TGDS: variants seen among roughly 807,000 people sequenced by gnomAD.
The protein encoded by TGDS is UDP-D-glucose 4,6-dehydratase.
A neutral mutation model predicts 52.3 loss-of-function variants in TGDS; 47 were observed. The observed-to-expected ratio is 0.90, with a 90% CI of 0.71 to 1.15. TGDS has a LOEUF of 1.15. Among genes scored for constraint, TGDS ranks in the 50% most tolerant of loss-of-function variants. The pLI, the probability that TGDS is intolerant of heterozygous loss-of-function variation, is 0.00. For missense variants in TGDS, 375 were observed against 418.4 expected (o/e 0.90, Z 0.90); for synonymous variants, 115 against 136.9 (o/e 0.84, Z 1.12).
intron 4 of TGDS, among the ~76,000 whole-genome samples, chr13:94,587,630 G>A (rs1349236112): frequency 2.0e-5 from 3 of 152,148 alleles, no homozygotes; most frequent in Non-Finnish European, 4.4e-5. Context: ...AAATGTAAAA[G>A]GAAAAACAAT....
intron 4 of TGDS, among the ~76,000 whole-genome samples, chr13:94,583,930 G>A (rs1418248591): frequency 1.3e-5 from 2 of 152,144 alleles, no homozygotes; most frequent in South Asian, 4.1e-4. Context: ...ATATAAATGG[G>A]TCCTTAAGAT....
chr13:94,590,717 G>A, intron 4 of TGDS, 136 bp downstream of exon 4: 1 of 634,716 alleles, frequency 1.6e-6, no homozygotes, highest in Non-Finnish European at 2.6e-6. Flanking sequence ...AAAGTGCTGA[G>A]TTTATGGATA....
chr13:94,595,510 C>T (rs1182149802), intron 1 of TGDS, among the ~76,000 whole-genome samples: 1 of 152,060 alleles, frequency 6.6e-6, no homozygotes, highest in African/African-American at 2.4e-5. Flanking sequence ...TAAACATGGG[C>T]TAGGGTGGAA....
upstream of TGDS, chr13:94,596,186 G>T (rs760237973): frequency 1.3e-6 from 2 of 1,574,512 alleles, no homozygotes; most frequent in Admixed American, 1.8e-5. Flanking sequence ...TCTGAAAAGC[G>T]CAGGGAAGTT....
rs996696422 is a variant in TGDS, at chr13:94,576,520, T to C, written c.885-109A>G. On this transcript the variant is annotated intron_variant, in intron 10 of 11. Transcript: ENST00000261296. Reference sequence around the variant, plus strand: ...TTTACCACAACCCAACTTTTCTCTTTACAAAAATTCCCAATAGGTTTTCTG... The same window carrying C: ...TTTACCACAACCCAACTTTTCTCTTCACAAAAATTCCCAATAGGTTTTCTG... The C allele has an allele frequency of 9.3e-5, 58 of 623,816 alleles. No individual in the cohort carries two copies. In the African/African-American group the frequency reaches 1.1e-3, roughly 11 times the overall value. The allele number at this position is 623,816 out of a possible 1,614,324, so 38.6% of individuals were successfully genotyped here.
At chr13:94,586,754 T>C (rs146271030) in intron 4 of TGDS, among the ~76,000 whole-genome samples, 33,956 of 77,846 alleles carry the variant, frequency 0.44, 4,558 homozygotes, top group Admixed American at 0.52. Context: ...TCAAATTATT[T>C]TTTTTTTTTT....
At chr13:94,589,794 A>G (rs1287037646) in intron 4 of TGDS, among the ~76,000 whole-genome samples, 1 of 152,218 alleles carries the variant, frequency 6.6e-6, no homozygotes, top group East Asian at 1.9e-4. Flanking sequence ...AGATTTGGTG[A>G]TATCTGGAGC....
At chr13:94,581,687 AAAATT>A in intron 5 of TGDS, among the ~76,000 whole-genome samples, 1 of 152,360 alleles carries the variant, frequency 6.6e-6, no homozygotes, top group African/African-American at 2.4e-5. Context: ...AGCAGAATTG[AAAATT>A]GAGAAGTGGT....
chr13:94,578,803 CTGGAT>C (rs1888693594), intron 7 of TGDS, 30 bp from the exon 8 acceptor site: 1 of 1,371,668 alleles, frequency 7.3e-7, no homozygotes, highest in Admixed American at 1.8e-5. Flanking sequence ...TCATTTCAGA[CTGGAT>C]ATTTACTCAT....
intron 8 of TGDS, 34 bp from the exon 9 acceptor site, chr13:94,578,204 G>A (rs1430547560): frequency 6.2e-7 from 1 of 1,603,394 alleles, no homozygotes; most frequent in South Asian, 1.1e-5. Context: ...ATCATAAAGT[G>A]TAAAAAGGTA....
chr13:94,579,031 T>C (rs75366505), intron 7 of TGDS, among the ~76,000 whole-genome samples: 1,659 of 152,186 alleles, frequency 0.011, 39 homozygotes, highest in African/African-American at 0.038. Flanking sequence ...CATCAGACAG[T>C]TGGTCTCATC....
chr13:94,576,755 G>T (rs1888616485), intron 10 of TGDS, among the ~76,000 whole-genome samples: 1 of 152,064 alleles, frequency 6.6e-6, no homozygotes, highest in Admixed American at 6.5e-5. Flanking sequence ...CCAGGCTGTG[G>T]GTCAGGTATT....
chr13:94,582,994 G>T, intron 5 of TGDS, 100 bp downstream of exon 5: 2 of 1,263,206 alleles, frequency 1.6e-6, no homozygotes, highest in Non-Finnish European at 2.2e-6. Flanking sequence ...AGTGCCACAA[G>T]TGTATATAAT....
intron 10 of TGDS, 128 bp downstream of exon 10, chr13:94,577,243 T>C (rs921266851): frequency 6.1e-6 from 4 of 660,364 alleles, no homozygotes; most frequent in South Asian, 2.7e-5. Context: ...CTTACGATTA[T>C]GAAAAAAATG....
At chr13:94,587,045 G>A (rs1169419476) in intron 4 of TGDS, among the ~76,000 whole-genome samples, 2 of 152,052 alleles carry the variant, frequency 1.3e-5, no homozygotes, top group African/African-American at 2.4e-5. Context: ...GATTACAGGT[G>A]TTAGCCACTG....
intron 7 of TGDS, 193 bp downstream of exon 7, chr13:94,579,701 G>C: frequency 2.2e-6 from 1 of 449,368 alleles, no homozygotes; most frequent in Non-Finnish European, 3.9e-6. Context: ...GTGAGTGTCA[G>C]CCAGCTTGAG....
At chr13:94,579,868 A>C (rs762705483) in intron 7 of TGDS, 26 bp downstream of exon 7, 4 of 1,381,794 alleles carry the variant, frequency 2.9e-6, no homozygotes, top group Non-Finnish European at 3.1e-6. Flanking sequence ...ACTGAAAAAC[A>C]CCATGAATTA....
chr13:94,594,039 A>G (rs2139548229), intron 1 of TGDS, 132 bp from the exon 2 acceptor site: 3 of 576,616 alleles, frequency 5.2e-6, no homozygotes, highest in Admixed American at 3.4e-5. Flanking sequence ...AACAGAAAAC[A>G]TAACTACACT....
chr13:94,578,306 G>C, intron 8 of TGDS, 136 bp from the exon 9 acceptor site: 1 of 889,424 alleles, frequency 1.1e-6, no homozygotes, highest in Middle Eastern at 3.5e-4. Flanking sequence ...ACAAATTCTC[G>C]TAGCTTTTCT....
Sources: allele counts gnomAD v4.1 joint callset (sites outside exome capture counted in the v4.1 genomes callset), GRCh38; gene constraint gnomAD v4.1.1; transcripts MANE v1.5; gene names NCBI Gene and HGNC (gene_info 2026-07-23, HGNC 2026-07-21).